Variants in SPART observed in about 807,000 individuals in gnomAD.
SPART encodes spastic paraplegia 20 (Troyer syndrome).
A neutral mutation model predicts 58.7 loss-of-function variants in SPART; 35 were observed. The observed-to-expected ratio is 0.60, with a 90% CI of 0.46 to 0.79. The LOEUF is 0.79. SPART is among the 30% of genes least tolerant of loss of function. The pLI is 0.00. For synonymous variants in SPART, 284 were observed against 280.7 expected (o/e 1.01, Z -0.12); for missense variants, 730 against 786.1 (o/e 0.93, Z 0.85).
intron 6 of SPART, 76 bp downstream of exon 6, chr13:36,314,151 C>G: frequency 7.3e-7 from 1 of 1,374,404 alleles, no homozygotes; most frequent in South Asian, 1.2e-5. Flanking sequence ...TCTAAATGAA[C>G]ATGCAGATTA....
Position 36,304,299 on chromosome 13 carries a change from T to G in SPART, c.*66A>C. 2.5e-6 allele frequency: 4 copies of G among 1,582,452 alleles called. No individual in the cohort carries two copies. The highest frequency in any genetic ancestry group is 3.5e-6 in the Non-Finnish European group (4 of 1,152,726). On this transcript the variant is annotated 3_prime_UTR_variant, in exon 9 of 9. Transcript: ENST00000438666. ...TGGTTAATCTGTGAGGAATTCCACA[T>G]TTGCCTATTTAACAAAATTTCATCC...
chr13:36,318,712 G>A, intron 5 of SPART, among the ~76,000 whole-genome samples: 4 of 152,112 alleles, frequency 2.6e-5, no homozygotes, highest in African/African-American at 7.3e-5. Context: ...ACAGGAGCTT[G>A]CTACACGTGC....
At chr13:36,319,871 A>G (rs925209489) in intron 5 of SPART, among the ~76,000 whole-genome samples, 1 of 151,496 alleles carries the variant, frequency 6.6e-6, no homozygotes, top group Non-Finnish European at 1.5e-5. Context: ...TCTGTTACCT[A>G]TCTCGGCATA....
chr13:36,332,410 A>T (rs1046787429), intron 2 of SPART, among the ~76,000 whole-genome samples: 4 of 152,174 alleles, frequency 2.6e-5, no homozygotes, highest in African/African-American at 9.7e-5. Context: ...AGGCTGAGGC[A>T]GGGGAATCAC....
At chr13:36,348,698 A>T (rs1247555513), upstream of SPART, among the ~76,000 whole-genome samples, 2 of 152,194 alleles carry the variant, frequency 1.3e-5, no homozygotes, top group Non-Finnish European at 2.9e-5. Context: ...GAACTTAAAG[A>T]CCTAAATAAA....
chr13:36,330,059 T>C (rs1883317006), intron 3 of SPART, among the ~76,000 whole-genome samples: 1 of 152,132 alleles, frequency 6.6e-6, no homozygotes, highest in Non-Finnish European at 1.5e-5. Flanking sequence ...AAAAATAACA[T>C]ACAAATACCA....
Position 36,335,420 on chromosome 13 carries a change from C to T in SPART, c.411G>A (p.Gln137=), listed in dbSNP as rs201850329. 70 of 1,614,082 alleles carry T rather than the reference C, an allele frequency of 4.3e-5. No homozygotes were observed. The Middle Eastern group carries it at 6.6e-4, about 15-fold the overall frequency. ...AGGTGTTTCCATTTACTTCAGCATG[C>T]TGAGGAGCTGAACTAAAAGACTGAG... is the stretch of plus-strand genomic sequence containing the variant. ...PEPQSFSSAP[Q]HAEVNGNTST... is the part of the protein sequence containing the mutation. Residue 137 remains glutamine (Q), a synonymous_variant, in exon 2 of 9, where the codon CAG becomes CAA. Coordinates refer to ENST00000438666, the MANE Select transcript of SPART (RefSeq NM_015087.5).
At chr13:36,367,113 AG>A (rs963156523) in intron 1 of SPART, among the ~76,000 whole-genome samples, 1 of 152,148 alleles carries the variant, frequency 6.6e-6, no homozygotes, top group African/African-American at 2.4e-5. Context: ...TTGTAGGAAA[AG>A]GTGTCCTTGG....
chr13:36,311,579 C>T (rs1383844261), intron 8 of SPART, among the ~76,000 whole-genome samples: 1 of 151,928 alleles, frequency 6.6e-6, no homozygotes, highest in Non-Finnish European at 1.5e-5. Context: ...TACAGAAATT[C>T]CAGGCTTTTA....
At chr13:36,331,348 G>T in intron 3 of SPART, 51 bp downstream of exon 3, 2 of 1,475,356 alleles carry the variant, frequency 1.4e-6, no homozygotes, top group Non-Finnish European at 9.5e-7. Context: ...AAGCTGAAGT[G>T]CTTATGTTAA....
At chr13:36,359,727 C>G (rs1448346302) in intron 1 of SPART, among the ~76,000 whole-genome samples, 1 of 152,102 alleles carries the variant, frequency 6.6e-6, no homozygotes, top group East Asian at 1.9e-4. Context: ...GCCAGCTGTT[C>G]AAATTCAGAG....
At position 36,314,347 on chromosome 13, in the gene SPART, T is replaced by G; in HGVS notation, c.1363A>C (p.Lys455Gln). ...TGKAIQKGAS[K>Q]LRERIQPEEK... Reference sequence around the variant, plus strand: ...TCTGGTTGAATCCGCTCTCGGAGTTTAGAAGCACCTTTCTGGATTGCCTTA... The same window carrying G: ...TCTGGTTGAATCCGCTCTCGGAGTTGAGAAGCACCTTTCTGGATTGCCTTA... Residue 455 changes from lysine (K) to glutamine (Q), a missense_variant, in exon 6 of 9, where the codon AAA (lysine) becomes CAA (glutamine). Lys to Gln is a moderately conservative substitution (Grantham distance 53, BLOSUM62 1). Coordinates refer to ENST00000438666, the MANE Select transcript of SPART (RefSeq NM_015087.5). The G allele has an allele frequency of 6.2e-7, 1 of 1,614,156 alleles. No homozygotes were observed. Among genetic ancestry groups the G allele is most frequent in the Non-Finnish European group, 8.5e-7 (1 of 1,180,006 alleles).
chr13:36,338,967 G>A (rs1038199385), intron 1 of SPART, among the ~76,000 whole-genome samples: 11 of 151,772 alleles, frequency 7.2e-5, no homozygotes, highest in Middle Eastern at 6.8e-3. Context: ...TCACTCACAC[G>A]CACACACTCA....
chr13:36,339,740 C>T (rs528492368), intron 1 of SPART, among the ~76,000 whole-genome samples: 2 of 151,474 alleles, frequency 1.3e-5, no homozygotes, highest in South Asian at 4.2e-4. Flanking sequence ...CATAGAATTT[C>T]CTAGAATTGG....
chr13:36,316,646 G>A (rs528118248), intron 5 of SPART, among the ~76,000 whole-genome samples: 4 of 151,668 alleles, frequency 2.6e-5, no homozygotes, highest in South Asian at 4.2e-4. Context: ...CCTATAAAAC[G>A]GCCCCACCCT....
chr13:36,314,230 G>T lies in SPART; in HGVS notation c.1480C>A (p.Leu494Met). Reference protein sequence around the residue: ...TGGAAKVSQFLVDGVCTVANC... With the variant: ...TGGAAKVSQFMVDGVCTVANC... ...AAGTTATCTAGAATTACTTTACCCA[G>T]GAACTGACTGACTTTTGCTGCTCCT... Residue 494 changes from leucine (L) to methionine (M), a missense_variant, in exon 6 of 9, where the codon CTG becomes ATG. Leu to Met is a conservative substitution (Grantham distance 15). Coordinates refer to ENST00000438666, the MANE Select transcript of SPART (RefSeq NM_015087.5). The T allele has an allele frequency of 6.2e-7, 1 of 1,613,982 alleles. No individual in the cohort carries two copies. Among genetic ancestry groups the T allele is most frequent in the South Asian group, 1.1e-5 (1 of 91,072 alleles).
chr13:36,369,560 G>A (rs902761350), intron 1 of SPART: 3 of 152,152 alleles, frequency 2.0e-5, no homozygotes, highest in African/African-American at 7.2e-5. Flanking sequence ...GAAAATACAG[G>A]AAGATCTCTC....
At chr13:36,342,765 A>T (rs987422459) in intron 1 of SPART, among the ~76,000 whole-genome samples, 1 of 152,170 alleles carries the variant, frequency 6.6e-6, no homozygotes, top group Non-Finnish European at 1.5e-5. Context: ...CTTCCATGGG[A>T]CATACACCAA....
At chr13:36,325,167 A>T (rs1882804767) in intron 5 of SPART, among the ~76,000 whole-genome samples, 2 of 152,136 alleles carry the variant, frequency 1.3e-5, no homozygotes, top group Non-Finnish European at 2.9e-5. Flanking sequence ...ACGACCTTTG[A>T]ATTTAGTGTG....
Sources: allele counts gnomAD v4.1 joint callset (sites outside exome capture counted in the v4.1 genomes callset), GRCh38; gene constraint gnomAD v4.1.1; transcripts MANE v1.5; gene names NCBI Gene and HGNC (gene_info 2026-07-23, HGNC 2026-07-21).